Variants in ITGBL1 observed in about 807,000 individuals in gnomAD.
ITGBL1 encodes integrin beta-like protein 1.
In ITGBL1, 51 loss-of-function variants were observed where a neutral mutation model predicts 68.5. The ratio of observed to expected loss-of-function variants is 0.74; its 90% CI spans 0.59 to 0.94. The LOEUF (loss-of-function observed/expected upper bound fraction) is 0.94. Ranked by LOEUF, ITGBL1 falls within the 40% of genes least tolerant of loss-of-function variation. The probability of loss-of-function intolerance (pLI) is 0.00; values close to 1 mark genes in which losing one functional copy is unlikely to be tolerated. For missense variants in ITGBL1, 649 were observed against 647.4 expected (o/e 1.00, Z -0.03); for synonymous variants, 209 against 227.3 (o/e 0.92, Z 0.72).
chr13:101,679,955 T>G (rs750878209), intron 7 of ITGBL1, among the ~76,000 whole-genome samples: 2 of 152,206 alleles, frequency 1.3e-5, no homozygotes, highest in Non-Finnish European at 1.5e-5. Context: ...ACTTTAATCC[T>G]TGTGTACTAA....
intron 7 of ITGBL1, among the ~76,000 whole-genome samples, chr13:101,601,637 CTTTG>C (rs1488837400): frequency 6.6e-6 from 1 of 152,128 alleles, no homozygotes; most frequent in African/African-American, 2.4e-5. Context: ...TATGTTGTGT[CTTTG>C]TTCTCATTGG....
chr13:101,499,036 C>T (rs1206167815), intron 2 of ITGBL1, among the ~76,000 whole-genome samples: 3 of 152,084 alleles, frequency 2.0e-5, no homozygotes, highest in African/African-American at 7.2e-5. Context: ...CAATTATCTC[C>T]CTCTCACAAC....
rs1362693849 is a variant in ITGBL1 at position 101,706,772 on chromosome 13, C to T, written c.1149C>T (p.Ser383=). 1 of 1,614,140 alleles carries T rather than the reference C, an allele frequency of 6.2e-7. No individual in the cohort carries two copies. Among genetic ancestry groups the T allele is most frequent in the Admixed American group, 1.7e-5 (1 of 60,020 alleles). ...GVVCGGHGTC[S]CGRCVCERGW... is the part of the protein sequence containing the mutation. ...GCTTCACAGGCCACGGCACATGTTC[C>T]TGTGGTCGCTGTGTTTGTGAGAGAG... The change falls in exon 9 of 11, where the codon TCC becomes TCT. Residue 383 remains serine, a synonymous_variant. Coordinates refer to ENST00000376180, the MANE Select transcript of ITGBL1 (RefSeq NM_004791.3).
chr13:101,521,527 G>T lies in ITGBL1; in HGVS notation c.317-46172G>T, dbSNP rs138416240. ...AACAAGACAGAGACCAGTGTGCCTG[G>T]ATCTGGACCCAAGGGAATGAGAAGG... On this transcript the variant is annotated intron_variant, in intron 2 of 10. Transcript: ENST00000376180. Among the ~76,000 whole-genome samples, 552 of 152,154 alleles carry T rather than the reference G, an allele frequency of 3.6e-3. 4 individuals carry two copies. The highest frequency in any genetic ancestry group is 6.2e-3 in the Non-Finnish European group (423 of 67,990).
intron 7 of ITGBL1, among the ~76,000 whole-genome samples, chr13:101,627,101 T>C (rs529245668): frequency 6.6e-6 from 1 of 152,328 alleles, no homozygotes; most frequent in East Asian, 1.9e-4. Flanking sequence ...TGCGGTTTTC[T>C]GTTTCACTCA....
intron 2 of ITGBL1, among the ~76,000 whole-genome samples, chr13:101,529,781 G>T (rs1037884205): frequency 2.0e-5 from 3 of 152,122 alleles, no homozygotes; most frequent in Non-Finnish European, 4.4e-5. Context: ...GACTTGCTTT[G>T]CTTCCCCTTC....
chr13:101,522,645 T>C (rs113476505), intron 2 of ITGBL1, among the ~76,000 whole-genome samples: 5 of 152,326 alleles, frequency 3.3e-5, no homozygotes, highest in Non-Finnish European at 7.4e-5. Flanking sequence ...GACAGAAGTT[T>C]CCTCAGTCAG....
rs1271679221 is a variant in ITGBL1, at chr13:101,567,636, G to GT, written c.317-61dup. On this transcript the variant is annotated intron_variant, in intron 2 of 10. Transcript: ENST00000376180. Reference sequence around the variant, plus strand: ...ATCAATGTCACTGTTAAGAGTATGTGTTACAGTAGTGGTTATCTTTGGAAA... The same window carrying GT: ...ATCAATGTCACTGTTAAGAGTATGTGTTTACAGTAGTGGTTATCTTTGGAAA... The GT allele has an allele frequency of 3.8e-5, 57 of 1,490,286 alleles. No homozygotes were observed. The African/African-American group carries it at 5.3e-4, about 14-fold the overall frequency. The allele number at this position is 1,490,286 out of a possible 1,614,324, so 92.3% of individuals were successfully genotyped here. A position where few individuals can be genotyped will look rare whatever the true frequency, so the allele number is the denominator to read the frequency against.
At chr13:101,563,918 C>A (rs1214495987) in intron 2 of ITGBL1, among the ~76,000 whole-genome samples, 1 of 151,594 alleles carries the variant, frequency 6.6e-6, no homozygotes, top group Non-Finnish European at 1.5e-5. Flanking sequence ...CAAATGGAAT[C>A]CAATATATAA....
chr13:101,677,110 C>T (rs530211488), intron 7 of ITGBL1, among the ~76,000 whole-genome samples: 58 of 152,126 alleles, frequency 3.8e-4, no homozygotes, highest in African/African-American at 6.0e-4. Flanking sequence ...GGCGACAGAG[C>T]GAGACTCTCT....
intron 7 of ITGBL1, among the ~76,000 whole-genome samples, chr13:101,636,829 T>C (rs2032185551): frequency 6.6e-6 from 1 of 152,194 alleles, no homozygotes; most frequent in Non-Finnish European, 1.5e-5. Context: ...TCTGAATATA[T>C]TATTTCATAT....
intron 2 of ITGBL1, among the ~76,000 whole-genome samples, chr13:101,553,843 C>T (rs1384701089): frequency 2.6e-5 from 4 of 152,120 alleles, no homozygotes; most frequent in East Asian, 1.9e-4. Flanking sequence ...GGCACGATCT[C>T]GGCTCACCGC....
intron 2 of ITGBL1, among the ~76,000 whole-genome samples, chr13:101,542,165 T>A (rs2049718540): frequency 6.6e-6 from 1 of 152,254 alleles, no homozygotes; most frequent in African/African-American, 2.4e-5. Flanking sequence ...CAATGTTAGA[T>A]CTTTCCTGCT....
chr13:101,657,980 A>C (rs543864865), intron 7 of ITGBL1, among the ~76,000 whole-genome samples: 90 of 152,342 alleles, frequency 5.9e-4, no homozygotes, highest in African/African-American at 2.1e-3. Context: ...GTAGGAAGAT[A>C]GATGCTTTTA....
rs372218360 is a variant in ITGBL1 at position 101,581,668 on chromosome 13, G to A, written c.728-1548G>A. ...GTCCATATGTGTGTACCATTACTGC[G>A]CTAATTCCCCATTGAACAATATTTC... On this transcript the variant is annotated intron_variant, in intron 5 of 10. Coordinates refer to ENST00000376180, the MANE Select transcript of ITGBL1 (RefSeq NM_004791.3). 8.5e-5 allele frequency among the ~76,000 whole-genome samples: 13 copies of A among 152,114 alleles called. No individual in the cohort carries two copies. The East Asian group carries it at 1.5e-3, about 18-fold the overall frequency.
intron 7 of ITGBL1, among the ~76,000 whole-genome samples, chr13:101,607,380 A>G (rs3783213): frequency 0.083 from 12,553 of 152,080 alleles, 835 homozygotes; most frequent in African/African-American, 0.18. Flanking sequence ...TTTATTGGAC[A>G]ATATATATTA....
At chr13:101,680,825 A>T (rs1201474855) in intron 7 of ITGBL1, among the ~76,000 whole-genome samples, 1 of 152,182 alleles carries the variant, frequency 6.6e-6, no homozygotes, top group East Asian at 1.9e-4. Context: ...TTAGTTGTGT[A>T]TGCACCAAGA....
chr13:101,461,652 G>A (rs993755400), intron 2 of ITGBL1, among the ~76,000 whole-genome samples: 5 of 152,112 alleles, frequency 3.3e-5, no homozygotes, highest in African/African-American at 1.2e-4. Flanking sequence ...CTATGATCAG[G>A]CCACTGCACT....
At position 101,453,942 on chromosome 13, in the gene ITGBL1, C is replaced by G. The variant is rs773175369; in HGVS notation, c.158C>G (p.Ala53Gly). The G allele has an allele frequency of 1.4e-6, 2 of 1,455,008 alleles. No individual in the cohort carries two copies. The highest frequency in any genetic ancestry group is 4.7e-5 in the Admixed American group (2 of 42,344). 90.1% of individuals were successfully genotyped at this position (1,455,008 alleles called of 1,614,324 possible). A position where few individuals can be genotyped will look rare whatever the true frequency, so the allele number is the denominator to read the frequency against. Residue 53 changes from alanine (A) to glycine (G), a missense_variant, in exon 2 of 11, where the codon GCA (alanine) becomes GGA (glycine). Ala to Gly is a moderately conservative substitution (Grantham distance 60). Transcript: ENST00000376180. The part of the protein sequence containing the change: ...SRAESERRCR[A>G]PGQPPGAALC... Reference sequence around the variant, plus strand: ...GCCGAGTCGGAGCGACGCTGCCGCGCACCTGGGCAGCCCCCGGGGGCCGCG... The same window carrying G: ...GCCGAGTCGGAGCGACGCTGCCGCGGACCTGGGCAGCCCCCGGGGGCCGCG...
Sources: allele counts gnomAD v4.1 joint callset (sites outside exome capture counted in the v4.1 genomes callset), GRCh38; gene constraint gnomAD v4.1.1; transcripts MANE v1.5; gene names NCBI Gene and HGNC (gene_info 2026-07-23, HGNC 2026-07-21).